KALRN: variants seen among roughly 807,000 people sequenced by gnomAD.
The protein encoded by KALRN is kalirin RhoGEF kinase.
KALRN carries 70 observed loss-of-function variants against 353.7 expected under a neutral mutation model. The observed-to-expected ratio is 0.20, with a 90% CI of 0.16 to 0.24. KALRN has a LOEUF of 0.24. Among genes scored for constraint, KALRN ranks in the 10% least tolerant of loss-of-function variants. KALRN has a pLI of 1.00. For missense variants in KALRN, 2,791 were observed against 3,756.7 expected (o/e 0.74, Z 6.72); for synonymous variants, 1,391 against 1,434.8 (o/e 0.97, Z 0.69).
intron 1 of KALRN, among the ~76,000 whole-genome samples, chr3:124,154,356 A>T (rs1163338964): frequency 1.3e-5 from 2 of 152,186 alleles, no homozygotes; most frequent in African/African-American, 4.8e-5. Flanking sequence ...GTATATCTAG[A>T]AAACCCCATT....
intron 1 of KALRN, among the ~76,000 whole-genome samples, chr3:124,039,918 G>C (rs753123070): frequency 1.1e-4 from 16 of 152,218 alleles, no homozygotes; most frequent in Non-Finnish European, 1.6e-4. Context: ...AGGAGCCTTT[G>C]GGGGAGTATT....
At position 124,412,842 on chromosome 3, in the gene KALRN, G is replaced by A. The variant is rs540173456; in HGVS notation, c.2347-628G>A. Among the ~76,000 whole-genome samples the A allele has an allele frequency of 7.9e-5, 12 of 152,318 alleles. No homozygotes were observed. The East Asian group carries it at 2.3e-3, about 29-fold the overall frequency. On this transcript the variant is annotated intron_variant, in intron 13 of 59. Transcript: ENST00000682506. ...CTTTGTAATAGAAGGACAGAATGTT[G>A]CACAATAGAACACAGGAACCAGAGC...
intron 10 of KALRN, among the ~76,000 whole-genome samples, chr3:124,362,764 A>G (rs1181034387): frequency 2.6e-5 from 4 of 152,256 alleles, no homozygotes; most frequent in Admixed American, 2.0e-4. Flanking sequence ...GAAGCCATGG[A>G]AGAGGCTAAA....
chr3:124,080,455 CATAG>C (rs919666857), intron 1 of KALRN, among the ~76,000 whole-genome samples: 11 of 152,114 alleles, frequency 7.2e-5, no homozygotes, highest in African/African-American at 1.4e-4. Flanking sequence ...TGTGCATTTA[CATAG>C]ATAGATAGAT....
chr3:124,632,502 C>T lies in KALRN; in HGVS notation c.5265C>T (p.Ser1755=). 1 of 1,614,166 alleles carries T rather than the reference C, an allele frequency of 6.2e-7. No homozygotes were observed. Among genetic ancestry groups the T allele is most frequent in the Admixed American group, 1.7e-5 (1 of 60,022 alleles). The part of the protein sequence containing the change: ...ANLQAQPSLN[S]IHSSPGPKRS... ...TGCAGGCCCAGCCCTCCCTGAACTC[C>T]ATCCACAGTTCCCCGGGTCCCAAGC... The change falls in exon 35 of 60, where the codon TCC becomes TCT. Residue 1755 remains serine, a synonymous_variant. Transcript: ENST00000682506.
chr3:124,362,035 G>A (rs572817017), intron 10 of KALRN, among the ~76,000 whole-genome samples: 11 of 152,084 alleles, frequency 7.2e-5, no homozygotes, highest in Non-Finnish European at 1.5e-4. Context: ...CTTCCTGGCC[G>A]TGGCATTCAG....
In KALRN at chr3:124,717,328, C is replaced by T. The variant is rs2063174652; in HGVS notation, c.8358C>T (p.Asp2786=). ...AAAAAGTAGCTTTCTATATCCGAGA[C>T]ATCATGGAGGCTCTGCAGTACCTTC... is the stretch of plus-strand genomic sequence containing the variant. ...MEEKVAFYIR[D]IMEALQYLHN... Residue 2786 remains aspartate (D), a synonymous_variant, in exon 59 of 60, where the codon GAC becomes GAT. Coordinates refer to ENST00000682506, the MANE Select transcript of KALRN (RefSeq NM_001388419.1). 1 of 1,612,220 alleles carries T rather than the reference C, an allele frequency of 6.2e-7. No individual in the cohort carries two copies. Among genetic ancestry groups the T allele is most frequent in the Non-Finnish European group, 8.5e-7 (1 of 1,179,010 alleles).
At chr3:124,197,728 C>A (rs1263565992) in intron 1 of KALRN, among the ~76,000 whole-genome samples, 3 of 152,206 alleles carry the variant, frequency 2.0e-5, no homozygotes, top group Admixed American at 2.0e-4. Context: ...TGACCACAGA[C>A]CCTATACTGC....
intron 1 of KALRN, among the ~76,000 whole-genome samples, chr3:124,149,617 AGCCATGTCGTTTTAAAGAGTCTCTTAGTT>A (rs1337340550): frequency 6.6e-6 from 1 of 152,218 alleles, no homozygotes; most frequent in Non-Finnish European, 1.5e-5. Context: ...GGAACTTGCC[AGCCATGTCGTTTTAAAGAGTCTCTTAGTT>A]GTCTGAGTCT....
intron 34 of KALRN, among the ~76,000 whole-genome samples, chr3:124,615,769 G>A (rs1028515827): frequency 3.3e-5 from 5 of 152,126 alleles, no homozygotes; most frequent in East Asian, 1.9e-4. Flanking sequence ...CTGTGCTCCC[G>A]GTAGCAAGGA....
At chr3:124,077,187 C>T (rs1160630234) in intron 1 of KALRN, among the ~76,000 whole-genome samples, 2 of 152,170 alleles carry the variant, frequency 1.3e-5, no homozygotes, top group Non-Finnish European at 2.9e-5. Context: ...GTCAGGCTGG[C>T]CAGAGGAGAG....
intron 7 of KALRN, among the ~76,000 whole-genome samples, chr3:124,327,192 C>T (rs1291694687): frequency 6.6e-6 from 1 of 152,170 alleles, no homozygotes. Flanking sequence ...GCAGACTAAA[C>T]TTAAAAATGT....
chr3:124,384,241 C>T (rs186040145), intron 10 of KALRN, among the ~76,000 whole-genome samples: 60 of 152,242 alleles, frequency 3.9e-4, no homozygotes, highest in South Asian at 1.0e-3. Flanking sequence ...TCTTCCCCAA[C>T]CTTCCTGCAA....
rs527686678 is a variant in KALRN at position 124,289,854 on chromosome 3, G to A, written c.970-8937G>A. 2.7e-4 allele frequency among the ~76,000 whole-genome samples: 41 copies of A among 152,194 alleles called. 1 individual carries two copies. Among genetic ancestry groups the A allele is most frequent in the Non-Finnish European group, 8.8e-5 (6 of 68,034 alleles). ...TACACTATGAAGGCTCTTGGCACAG[G>A]CACATGAAATAAGACATAGTATTAT... On this transcript the variant is annotated intron_variant, in intron 5 of 59. Transcript: ENST00000682506.
At chr3:124,088,663 C>A (rs188220901) in intron 1 of KALRN, among the ~76,000 whole-genome samples, 12 of 152,240 alleles carry the variant, frequency 7.9e-5, no homozygotes, top group Non-Finnish European at 1.0e-4. Context: ...AGTCTTATCT[C>A]CATCCAAAAG....
chr3:124,632,592 A>T lies in KALRN; in HGVS notation c.5355A>T (p.Ala1785=), dbSNP rs2149832568. The part of the protein sequence containing the change: ...SPVRRLNSGK[A]DGNIKKQKKV... ...TGCGTCGGCTTAACAGCGGGAAGGCAGATGGAAACATCAAAAAGCAGAAGA... is the reference window on the plus strand; with the variant it reads ...TGCGTCGGCTTAACAGCGGGAAGGCTGATGGAAACATCAAAAAGCAGAAGA... Residue 1785 remains alanine (A), a synonymous_variant, in exon 35 of 60, where the codon GCA becomes GCT. Coordinates refer to ENST00000682506, the MANE Select transcript of KALRN (RefSeq NM_001388419.1). 1.7e-5 allele frequency: 28 copies of T among 1,614,218 alleles called. No homozygotes were observed. Among genetic ancestry groups the T allele is most frequent in the Non-Finnish European group, 2.2e-5 (26 of 1,180,044 alleles).
intron 51 of KALRN, among the ~76,000 whole-genome samples, chr3:124,688,395 CG>C (rs1448280078): frequency 6.6e-6 from 1 of 151,204 alleles, no homozygotes; most frequent in African/African-American, 2.4e-5. Context: ...ATTGAAAACA[CG>C]AAGGGTTAAA....
At chr3:124,615,705 C>T (rs559048811) in intron 34 of KALRN, among the ~76,000 whole-genome samples, 20 of 152,080 alleles carry the variant, frequency 1.3e-4, no homozygotes, top group Non-Finnish European at 2.5e-4. Flanking sequence ...AATCCGGTTG[C>T]AGGGTGGGCC....
intron 3 of KALRN, among the ~76,000 whole-genome samples, chr3:124,247,958 A>G (rs1011759525): frequency 5.3e-5 from 8 of 152,210 alleles, no homozygotes; most frequent in African/African-American, 1.9e-4. Context: ...AAAAAGATTT[A>G]TTCAGAATTT....
Sources: allele counts gnomAD v4.1 joint callset (sites outside exome capture counted in the v4.1 genomes callset), GRCh38; gene constraint gnomAD v4.1.1; transcripts MANE v1.5; gene names NCBI Gene and HGNC (gene_info 2026-07-23, HGNC 2026-07-21).